RUNX1: variants seen among roughly 807,000 people sequenced by gnomAD.
RUNX1 encodes runt-related transcription factor 1.
Under a neutral mutation model 42.8 loss-of-function variants are expected in RUNX1, and 19 were observed. The ratio of observed to expected loss-of-function variants is 0.44; its 90% CI spans 0.31 to 0.65. The LOEUF is 0.65. RUNX1 is among the 30% of genes least tolerant of loss of function. The probability of loss-of-function intolerance (pLI) is 0.07; values close to 1 mark genes in which losing one functional copy is unlikely to be tolerated. For synonymous variants in RUNX1, 271 were observed against 289.4 expected, an observed-to-expected ratio of 0.94 and a Z score of 0.64; for missense variants, 528 against 672.0, an observed-to-expected ratio of 0.79 and a Z score of 2.37.
intron 2 of RUNX1, among the ~76,000 whole-genome samples, chr21:34,895,630 G>C (rs1218864912): frequency 6.6e-6 from 1 of 152,042 alleles, no homozygotes; most frequent in Non-Finnish European, 1.5e-5. Flanking sequence ...GGCTGAATAA[G>C]CATCATGAAT....
intron 2 of RUNX1, among the ~76,000 whole-genome samples, chr21:35,007,321 T>C (rs112949221): frequency 3.3e-5 from 5 of 152,294 alleles, no homozygotes; most frequent in African/African-American, 1.2e-4. Context: ...GACATGTAGC[T>C]GTGCTCTGGA....
At chr21:34,961,364 A>C (rs2058680767) in intron 2 of RUNX1, among the ~76,000 whole-genome samples, 1 of 151,732 alleles carries the variant, frequency 6.6e-6, no homozygotes, top group African/African-American at 2.4e-5. Context: ...TCAAAATAAT[A>C]ATAATAATAA....
chr21:34,862,640 A>G (rs762859606), intron 5 of RUNX1, among the ~76,000 whole-genome samples: 7 of 152,102 alleles, frequency 4.6e-5, no homozygotes, highest in Admixed American at 2.0e-4. Context: ...CCATCTTCAC[A>G]TGACTGTCTT....
intron 2 of RUNX1, among the ~76,000 whole-genome samples, chr21:34,918,325 G>A (rs1288301349): frequency 2.0e-5 from 3 of 151,878 alleles, no homozygotes; most frequent in Non-Finnish European, 4.4e-5. Context: ...CTCAACATAG[G>A]TTTGTGACAA....
At chr21:34,851,304 C>T (rs1350467667) in intron 6 of RUNX1, among the ~76,000 whole-genome samples, 4 of 152,218 alleles carry the variant, frequency 2.6e-5, no homozygotes, top group Admixed American at 6.5e-5. Context: ...GGCCTGGAGG[C>T]CTCGGCCTCT....
chr21:34,809,406 A>T (rs1314116005), intron 7 of RUNX1, among the ~76,000 whole-genome samples: 1 of 151,970 alleles, frequency 6.6e-6, no homozygotes, highest in Non-Finnish European at 1.5e-5. Flanking sequence ...GAGAATGAGG[A>T]TACTCACTCC....
At chr21:34,854,088 A>G (rs1437170820) in intron 6 of RUNX1, among the ~76,000 whole-genome samples, 3 of 152,206 alleles carry the variant, frequency 2.0e-5, no homozygotes, top group African/African-American at 7.2e-5. Context: ...TGCTGGGATT[A>G]CAGGCGGGAG....
At chr21:34,904,491 G>C (rs544143227) in intron 2 of RUNX1, among the ~76,000 whole-genome samples, 50 of 152,254 alleles carry the variant, frequency 3.3e-4, no homozygotes, top group African/African-American at 1.2e-3. Flanking sequence ...AAAACAGCCA[G>C]AGCAAAGAAA....
chr21:34,838,974 T>C (rs756938790), intron 6 of RUNX1, among the ~76,000 whole-genome samples: 35 of 152,052 alleles, frequency 2.3e-4, no homozygotes, highest in Non-Finnish European at 4.7e-4. Flanking sequence ...TAATTCATAT[T>C]ATATATGCAT....
Position 34,859,572 on chromosome 21 carries a change from C to T in RUNX1, c.515G>A (p.Ser172Asn). 6.2e-7 allele frequency: 1 copy of T among 1,613,764 alleles called. No individual in the cohort carries two copies. The highest frequency in any genetic ancestry group is 8.5e-7 in the Non-Finnish European group (1 of 1,179,600). ...RFVGRSGRGK[S>N]FTLTITVFTN... ...GAAGACAGTGATGGTCAGAGTGAAG[C>T]TTTTCCCTGTGGGGACACGATAGAG... Residue 172 changes from serine to asparagine, a missense_variant, in exon 6 of 9, where the codon AGC (serine) becomes AAC (asparagine). By Grantham distance (46) the Ser-to-Asn change is conservative (BLOSUM62 1). Coordinates refer to ENST00000675419, the MANE Select transcript of RUNX1 (RefSeq NM_001754.5).
chr21:34,988,704 G>A (rs565137130), intron 2 of RUNX1, among the ~76,000 whole-genome samples: 56 of 152,206 alleles, frequency 3.7e-4, no homozygotes, highest in Middle Eastern at 3.4e-3. Context: ...CCTGACATCC[G>A]GACAGTGTGT....
chr21:34,847,901 G>T (rs1316927882), intron 6 of RUNX1, among the ~76,000 whole-genome samples: 1 of 152,022 alleles, frequency 6.6e-6, no homozygotes, highest in Non-Finnish European at 1.5e-5. Context: ...GTATTGTGAG[G>T]GCCAAATCTG....
At chr21:34,847,388 A>C (rs2057331613) in intron 6 of RUNX1, among the ~76,000 whole-genome samples, 2 of 152,220 alleles carry the variant, frequency 1.3e-5, no homozygotes, top group South Asian at 4.1e-4. Flanking sequence ...ACCAATCCTG[A>C]AAGACACGAC....
intron 2 of RUNX1, among the ~76,000 whole-genome samples, chr21:35,039,102 C>T (rs1462107864): frequency 6.6e-6 from 1 of 152,238 alleles, no homozygotes; most frequent in Non-Finnish European, 1.5e-5. Flanking sequence ...GATTCATATA[C>T]ATTGCCCTGC....
chr21:34,859,567 T>C lies in RUNX1; in HGVS notation c.520A>G (p.Thr174Ala), dbSNP rs2146236766. Residue 174 changes from threonine to alanine, a missense_variant, in exon 6 of 9, where the codon ACT becomes GCT. Thr to Ala is a moderately conservative substitution (Grantham distance 58, BLOSUM62 0). Transcript: ENST00000675419. ...VGRSGRGKSFTLTITVFTNPP... is the reference protein window; with the variant it reads ...VGRSGRGKSFALTITVFTNPP... ...TTTGTGAAGACAGTGATGGTCAGAG[T>C]GAAGCTTTTCCCTGTGGGGACACGA... 2 of 1,613,892 alleles carry C rather than the reference T, an allele frequency of 1.2e-6. No individual in the cohort carries two copies. The highest frequency in any genetic ancestry group is 2.2e-5 in the East Asian group (1 of 44,882).
intron 2 of RUNX1, among the ~76,000 whole-genome samples, chr21:35,041,360 G>A (rs188876598): frequency 5.8e-4 from 89 of 152,336 alleles, no homozygotes; most frequent in African/African-American, 2.0e-3. Flanking sequence ...TCAGCAGAGC[G>A]ATTGAGCAAG....
chr21:34,958,026 C>T (rs921139242), intron 2 of RUNX1, among the ~76,000 whole-genome samples: 5 of 152,172 alleles, frequency 3.3e-5, no homozygotes, highest in Non-Finnish European at 5.9e-5. Flanking sequence ...AAAATAATAA[C>T]TCCTTCTAGT....
At chr21:35,018,145 C>T (rs1425654822) in intron 2 of RUNX1, among the ~76,000 whole-genome samples, 3 of 152,296 alleles carry the variant, frequency 2.0e-5, no homozygotes, top group African/African-American at 7.2e-5. Context: ...CCTGCCTCAG[C>T]CTCTGGAGTA....
At chr21:34,927,725 GC>G (rs1321281178) in intron 2 of RUNX1, among the ~76,000 whole-genome samples, 1 of 152,162 alleles carries the variant, frequency 6.6e-6, no homozygotes, top group Non-Finnish European at 1.5e-5. Context: ...TAGACAGAGG[GC>G]CTGCCACATA....
Sources: gnomAD v4.1 joint callset for allele counts (sites outside exome capture counted in the v4.1 genomes callset) on GRCh38, gnomAD v4.1.1 for gene constraint, MANE v1.5 for transcripts, NCBI Gene and HGNC (gene_info 2026-07-23, HGNC 2026-07-21) for gene names.